EYS: variants seen among roughly 807,000 people sequenced by gnomAD.
EYS encodes EGF-like photoreceptor maintenance factor.
A neutral mutation model predicts 282.1 loss-of-function variants in EYS; 250 were observed. The ratio of observed to expected loss-of-function variants is 0.89; its 90% CI spans 0.80 to 0.98. The LOEUF (loss-of-function observed/expected upper bound fraction) is 0.98. Among genes scored for constraint, EYS ranks in the 50% least tolerant of loss-of-function variants. The probability of loss-of-function intolerance (pLI) is 0.00; values close to 1 mark genes in which losing one functional copy is unlikely to be tolerated. For missense variants in EYS, 4,016 were observed against 3,709.0 expected (o/e 1.08, Z -2.15); for synonymous variants, 1,355 against 1,282.9 (o/e 1.06, Z -1.20).
At chr6:65,111,945 T>C (rs1418560578) in intron 12 of EYS, among the ~76,000 whole-genome samples, 1 of 152,152 alleles carries the variant, frequency 6.6e-6, no homozygotes, top group African/African-American at 2.4e-5. Flanking sequence ...CCAGAAAACC[T>C]TACTCACTTT....
At chr6:64,790,485 A>G (rs1774156741) in intron 22 of EYS, among the ~76,000 whole-genome samples, 1 of 152,004 alleles carries the variant, frequency 6.6e-6, no homozygotes, top group South Asian at 2.1e-4. Flanking sequence ...CCGATAAGAT[A>G]CAGAAAAAAT....
intron 28 of EYS, among the ~76,000 whole-genome samples, 197 bp downstream of exon 28, chr6:64,435,977 T>C (rs1774734654): frequency 6.6e-6 from 1 of 151,964 alleles, no homozygotes; most frequent in Non-Finnish European, 1.5e-5. Flanking sequence ...AGTTCATTGA[T>C]AATGTAATCC....
At chr6:65,354,748 C>A (rs1764414711) in intron 8 of EYS, among the ~76,000 whole-genome samples, 1 of 151,808 alleles carries the variant, frequency 6.6e-6, no homozygotes, top group Admixed American at 6.6e-5. Flanking sequence ...ACCAGGGACG[C>A]AGAGATTGCG....
chr6:63,872,772 C>T (rs1468199123), intron 35 of EYS, among the ~76,000 whole-genome samples: 1 of 152,118 alleles, frequency 6.6e-6, no homozygotes, highest in East Asian at 1.9e-4. Flanking sequence ...GCCACCATGC[C>T]TGGCCCACCT....
intron 12 of EYS, among the ~76,000 whole-genome samples, chr6:65,160,513 A>G (rs1473559656): frequency 6.6e-6 from 1 of 150,784 alleles, no homozygotes. Context: ...GGGGGCACTT[A>G]TCTTTTGTTT....
intron 31 of EYS, among the ~76,000 whole-genome samples, chr6:64,143,594 T>G (rs1015840254): frequency 6.6e-6 from 1 of 152,168 alleles, no homozygotes; most frequent in African/African-American, 2.4e-5. Flanking sequence ...AGATACCCAC[T>G]AATGAATGGG....
intron 5 of EYS, among the ~76,000 whole-genome samples, chr6:65,475,702 G>GT (rs1216273139): frequency 1.3e-5 from 2 of 150,812 alleles, no homozygotes; most frequent in Admixed American, 1.3e-4. Context: ...CTTACCTAAA[G>GT]TATATACTCA....
At chr6:65,143,916 TC>T (rs2150210640) in intron 12 of EYS, among the ~76,000 whole-genome samples, 1 of 152,202 alleles carries the variant, frequency 6.6e-6, no homozygotes, top group African/African-American at 2.4e-5. Context: ...AGTAGAAAAT[TC>T]TTTTCTTCCT....
At position 63,721,541 on chromosome 6, in the gene EYS, A is replaced by G. The variant is rs1166928720; in HGVS notation, c.8490T>C (p.Asn2830=). Residue 2830 remains asparagine (N), a synonymous_variant, in exon 43 of 43, where the codon AAT becomes AAC. Transcript: ENST00000503581. ...DFYIGGVSSL[N]LVNPMAIENE... is the part of the protein sequence containing the mutation. Reference sequence around the variant, plus strand: ...TTTCTATTGCCATGGGATTTACAAGATTTAAAGAAGATACTCCTCCAATAT... The same window carrying G: ...TTTCTATTGCCATGGGATTTACAAGGTTTAAAGAAGATACTCCTCCAATAT... 6.4e-7 allele frequency: 1 copy of G among 1,551,736 alleles called. No individual in the cohort carries two copies. The highest frequency in any genetic ancestry group is 1.2e-5 in the South Asian group (1 of 84,056).
At chr6:64,493,847 G>T (rs1049183670) in intron 26 of EYS, among the ~76,000 whole-genome samples, 3 of 151,356 alleles carry the variant, frequency 2.0e-5, no homozygotes, top group African/African-American at 4.8e-5. Context: ...ATTAAGAACT[G>T]CCAAGAGGTA....
At chr6:65,681,016 A>G (rs1184009698) in intron 1 of EYS, among the ~76,000 whole-genome samples, 1 of 151,432 alleles carries the variant, frequency 6.6e-6, no homozygotes, top group African/African-American at 2.4e-5. Flanking sequence ...GCCTTGGTCT[A>G]TCTGGCAACC....
rs1246301365 is a variant in EYS at position 64,822,591 on chromosome 6, G to A, written c.3164+60C>T. 4.6e-6 allele frequency: 6 copies of A among 1,310,532 alleles called. No individual in the cohort carries two copies. The African/African-American group carries it at 6.1e-5, about 13-fold the overall frequency. 81.2% of individuals were successfully genotyped at this position (1,310,532 alleles called of 1,614,324 possible). The stretch of plus-strand genomic sequence containing the variant: ...TTTATCAACTTTCCCTTGATGTTAA[G>A]TCTTAAATATTGTGAGTTAAATATA... On this transcript the variant is annotated intron_variant, in intron 20 of 42. Coordinates refer to ENST00000503581, the MANE Select transcript of EYS (RefSeq NM_001142800.2).
At chr6:65,227,778 G>A (rs1766666243) in intron 12 of EYS, among the ~76,000 whole-genome samples, 1 of 151,972 alleles carries the variant, frequency 6.6e-6, no homozygotes, top group Non-Finnish European at 1.5e-5. Flanking sequence ...CAGCATAAAT[G>A]AACTTAGACA....
intron 22 of EYS, among the ~76,000 whole-genome samples, chr6:64,706,214 G>C: frequency 6.6e-6 from 1 of 152,044 alleles, no homozygotes; most frequent in East Asian, 1.9e-4. Context: ...AAAACATTAA[G>C]TGGGGAAAGG....
intron 30 of EYS, among the ~76,000 whole-genome samples, chr6:64,279,274 T>C (rs1209826648): frequency 6.6e-6 from 1 of 152,242 alleles, no homozygotes. Flanking sequence ...AAAAAGAATA[T>C]TTGTAATATA....
intron 33 of EYS, among the ~76,000 whole-genome samples, chr6:64,000,173 T>TCAG (rs1768019574): frequency 3.7e-5 from 1 of 26,982 alleles, no homozygotes; most frequent in Non-Finnish European, 6.8e-5. Context: ...TGGGACTTTT[T>TCAG]TTTTTTTTTT....
chr6:64,529,482 C>G (rs1217669099), intron 26 of EYS, among the ~76,000 whole-genome samples: 1 of 152,010 alleles, frequency 6.6e-6, no homozygotes, highest in Admixed American at 6.6e-5. Flanking sequence ...TCCATATACT[C>G]TAGTGGAGTC....
In EYS at chr6:63,858,094, C is replaced by G. The variant is rs1772440050; in HGVS notation, c.7228+6092G>C. On this transcript the variant is annotated intron_variant, in intron 36 of 42. Transcript: ENST00000503581. Reference sequence around the variant, plus strand: ...GCATAAGGTCAGCCTGTTCAAAGAGCTCAGGGACTTAGCAAAACGAGAAGA... The same window carrying G: ...GCATAAGGTCAGCCTGTTCAAAGAGGTCAGGGACTTAGCAAAACGAGAAGA... Among the ~76,000 whole-genome samples, 4 of 152,124 alleles carry G rather than the reference C, an allele frequency of 2.6e-5. 1 individual carries two copies. The South Asian group carries it at 8.3e-4, about 31-fold the overall frequency.
chr6:65,126,550 A>G (rs1288898354), intron 12 of EYS, among the ~76,000 whole-genome samples: 1 of 152,170 alleles, frequency 6.6e-6, no homozygotes, highest in African/African-American at 2.4e-5. Flanking sequence ...GCAACACCAG[A>G]GGCAGAAGGC....
Sources: gnomAD v4.1 joint callset for allele counts (sites outside exome capture counted in the v4.1 genomes callset) on GRCh38, gnomAD v4.1.1 for gene constraint, MANE v1.5 for transcripts, NCBI Gene and HGNC (gene_info 2026-07-23, HGNC 2026-07-21) for gene names.